FAM163A: variants seen among roughly 807,000 people sequenced by gnomAD.
FAM163A encodes the protein protein FAM163A.
In FAM163A, 7 loss-of-function variants were observed where a neutral mutation model predicts 12.0. That is an observed-to-expected ratio of 0.58 (90% CI 0.33 to 1.10). The LOEUF (loss-of-function observed/expected upper bound fraction) is 1.10, where lower values mean the gene tolerates loss of function less well. Ranked by LOEUF, FAM163A falls within the 50% of genes least tolerant of loss-of-function variation. The pLI is 0.03. For synonymous variants in FAM163A, 101 were observed against 91.0 expected (o/e 1.11, Z -0.62); for missense variants, 202 against 218.6 (o/e 0.92, Z 0.48).
At chr1:179,777,774 G>C (rs1297957825) in intron 1 of FAM163A, among the ~76,000 whole-genome samples, 3 of 152,156 alleles carry the variant, frequency 2.0e-5, no homozygotes, top group African/African-American at 4.8e-5. Flanking sequence ...TCCTCTCAAG[G>C]CTTAGTGGAA....
chr1:179,809,771 T>C (rs1303375996), intron 2 of FAM163A, among the ~76,000 whole-genome samples: 2 of 152,172 alleles, frequency 1.3e-5, no homozygotes, highest in African/African-American at 2.4e-5. Context: ...TAGACCTCTC[T>C]GTCCATAAGC....
chr1:179,745,045 G>A (rs570960455), intron 1 of FAM163A, among the ~76,000 whole-genome samples: 1 of 152,306 alleles, frequency 6.6e-6, no homozygotes, highest in East Asian at 1.9e-4. Context: ...GAACAGTAAA[G>A]GTACATGCTC....
chr1:179,805,374 C>T (rs1340433179), intron 1 of FAM163A, among the ~76,000 whole-genome samples: 7 of 151,956 alleles, frequency 4.6e-5, no homozygotes, highest in Non-Finnish European at 7.4e-5. Flanking sequence ...AAAAATTAGC[C>T]GGGGGTGGTG....
rs1328506544 is a variant in FAM163A at position 179,783,125 on chromosome 1, G to A, written c.-135-24673G>A. 3.4e-5 allele frequency among the ~76,000 whole-genome samples: 4 copies of A among 118,298 alleles called. No homozygotes were observed. In the East Asian group the frequency reaches 6.1e-4, roughly 18 times the overall value. 77.6% of individuals were successfully genotyped at this position (118,298 alleles called of 152,430 possible). On this transcript the variant is annotated intron_variant, in intron 1 of 4. Transcript: ENST00000341785. The stretch of plus-strand genomic sequence containing the variant: ...ACCTGGGCGACAAGAGTGAAACTCC[G>A]TCTTAAAAAAAAAAAAAAAGGAAAA...
intron 1 of FAM163A, among the ~76,000 whole-genome samples, chr1:179,771,621 A>G (rs1431361398): frequency 6.6e-6 from 1 of 151,736 alleles, no homozygotes; most frequent in African/African-American, 2.4e-5. Context: ...GTCTCTTCTA[A>G]AGCTCCTTCC....
At chr1:179,786,753 A>G (rs141288534) in intron 1 of FAM163A, among the ~76,000 whole-genome samples, 66 of 152,292 alleles carry the variant, frequency 4.3e-4, no homozygotes, top group African/African-American at 1.5e-3. Context: ...AGACCTCAGG[A>G]CTCAAATCCT....
At chr1:179,770,556 C>T (rs1402163737) in intron 1 of FAM163A, among the ~76,000 whole-genome samples, 1 of 152,166 alleles carries the variant, frequency 6.6e-6, no homozygotes. Flanking sequence ...TTTTCATCTC[C>T]AGCCTTCTCT....
intron 1 of FAM163A, among the ~76,000 whole-genome samples, chr1:179,790,328 T>A (rs1691274121): frequency 6.6e-6 from 1 of 151,238 alleles, no homozygotes; most frequent in South Asian, 2.1e-4. Context: ...CCCTAGAATG[T>A]ATTTACTAGT....
At chr1:179,784,918 T>C (rs1361099261) in intron 1 of FAM163A, among the ~76,000 whole-genome samples, 1 of 152,228 alleles carries the variant, frequency 6.6e-6, no homozygotes, top group African/African-American at 2.4e-5. Flanking sequence ...AACTGGACTC[T>C]TCTGTTGCCT....
intron 2 of FAM163A, among the ~76,000 whole-genome samples, chr1:179,809,844 G>T (rs1397686796): frequency 6.6e-6 from 1 of 152,138 alleles, no homozygotes; most frequent in African/African-American, 2.4e-5. Context: ...TAGTGAAAGT[G>T]CCTAAGCCTT....
chr1:179,741,168 A>G (rs534089193), upstream of FAM163A, among the ~76,000 whole-genome samples: 3 of 152,362 alleles, frequency 2.0e-5, no homozygotes, highest in African/African-American at 4.8e-5. Flanking sequence ...CAAGTAGCCT[A>G]TAAACATATG....
At chr1:179,783,944 G>A (rs1008757821) in intron 1 of FAM163A, among the ~76,000 whole-genome samples, 2 of 151,606 alleles carry the variant, frequency 1.3e-5, no homozygotes, top group African/African-American at 4.9e-5. Flanking sequence ...ACATTTTCCC[G>A]ATTATACCTA....
At chr1:179,803,663 G>A (rs57591637) in intron 1 of FAM163A, among the ~76,000 whole-genome samples, 4,527 of 152,038 alleles carry the variant, frequency 0.03, 253 homozygotes, top group African/African-American at 0.1. Context: ...CCACCTCCCG[G>A]GTTCAAGCAA....
chr1:179,730,269 T>C, the FAM163A span: 1 of 152,210 alleles, frequency 6.6e-6, no homozygotes, highest in Admixed American at 6.5e-5. Context: ...GGCTAAGAAA[T>C]GATTTCCTCT....
At chr1:179,801,751 G>A (rs529624068) in intron 1 of FAM163A, among the ~76,000 whole-genome samples, 1 of 152,328 alleles carries the variant, frequency 6.6e-6, no homozygotes, top group Admixed American at 6.5e-5. Flanking sequence ...AAGGCTCTGT[G>A]TGGGGACAGC....
At chr1:179,773,547 A>G (rs1355930424) in intron 1 of FAM163A, among the ~76,000 whole-genome samples, 1 of 152,216 alleles carries the variant, frequency 6.6e-6, no homozygotes, top group Non-Finnish European at 1.5e-5. Flanking sequence ...CTGTCTCAAA[A>G]CAAAACATTG....
the FAM163A span, among the ~76,000 whole-genome samples, chr1:179,737,105 C>T: frequency 1.3e-5 from 2 of 152,066 alleles, no homozygotes; most frequent in African/African-American, 4.8e-5. Context: ...ATCAAAACAA[C>T]CCAAATGTCC....
intron 1 of FAM163A, among the ~76,000 whole-genome samples, chr1:179,783,825 A>C (rs1175190887): frequency 8.9e-6 from 1 of 112,732 alleles, no homozygotes; most frequent in South Asian, 2.6e-4. Context: ...ATATTATATA[A>C]TTATATATAT....
intron 1 of FAM163A, among the ~76,000 whole-genome samples, chr1:179,771,383 G>A (rs949567372): frequency 2.0e-4 from 31 of 152,162 alleles, no homozygotes; most frequent in African/African-American, 4.6e-4. Flanking sequence ...TCACTGAGGC[G>A]CCCTGTGAGA....
Sources: allele counts gnomAD v4.1 joint callset (sites outside exome capture counted in the v4.1 genomes callset), GRCh38; gene constraint gnomAD v4.1.1; transcripts MANE v1.5; gene names NCBI Gene and HGNC (gene_info 2026-07-23, HGNC 2026-07-21).